The following SRGAP3 variants were observed in gnomAD, a reference collection of about 807,000 sequenced individuals.
SRGAP3 encodes the protein SLIT-ROBO Rho GTPase activating protein 3.
A neutral mutation model predicts 121.1 loss-of-function variants in SRGAP3; 39 were observed. The ratio of observed to expected loss-of-function variants is 0.32; its 90% CI spans 0.25 to 0.42. The LOEUF is 0.42. Ranked by LOEUF, SRGAP3 falls within the 10% of genes least tolerant of loss-of-function variation. SRGAP3 has a pLI of 1.00. For synonymous variants in SRGAP3, 601 were observed against 570.0 expected, an observed-to-expected ratio of 1.05 and a Z score of -0.77; for missense variants, 1,213 against 1,470.6, an observed-to-expected ratio of 0.82 and a Z score of 2.86.
chr3:9,088,303 G>A (rs933087476), intron 3 of SRGAP3, among the ~76,000 whole-genome samples: 2 of 152,184 alleles, frequency 1.3e-5, no homozygotes, highest in Admixed American at 6.5e-5. Context: ...CTCAGCCATG[G>A]CAGCTATGGC....
chr3:9,042,358 C>T (rs1465712245), intron 10 of SRGAP3, among the ~76,000 whole-genome samples: 1 of 151,082 alleles, frequency 6.6e-6, no homozygotes, highest in Non-Finnish European at 1.5e-5. Flanking sequence ...TACTGGACAG[C>T]ACAGCTCTCA....
intron 3 of SRGAP3, among the ~76,000 whole-genome samples, chr3:9,303,509 T>C (rs904667489): frequency 1.3e-5 from 2 of 152,068 alleles, no homozygotes; most frequent in African/African-American, 2.4e-5. Context: ...ATTAACTATA[T>C]ACTACACCTA....
intron 1 of SRGAP3, among the ~76,000 whole-genome samples, chr3:9,155,760 T>A (rs143632677): frequency 6.6e-6 from 1 of 152,210 alleles, no homozygotes; most frequent in South Asian, 2.1e-4. Flanking sequence ...CCGGTGTTCT[T>A]GTTTGGTTTC....
At chr3:9,300,189 T>C (rs74848879) in intron 3 of SRGAP3, among the ~76,000 whole-genome samples, 2 of 130 alleles carry the variant, frequency 0.015, no homozygotes, top group African/African-American at 0.023. Flanking sequence ...ACCACCATCA[T>C]CACCACCACC....
rs1240393331 is a variant in SRGAP3, at chr3:9,070,184, A to G, written c.487-5603T>C. 2.0e-5 allele frequency among the ~76,000 whole-genome samples: 3 copies of G among 152,228 alleles called. No individual in the cohort carries two copies. The East Asian group carries it at 5.8e-4, about 29-fold the overall frequency. ...TCTTTCAGCCCCTCATTTAAATGCA[A>G]AAGAAGGCAAACAGAATCTGGAAGT... On this transcript the variant is annotated intron_variant, in intron 4 of 21. Coordinates refer to ENST00000383836, the MANE Select transcript of SRGAP3 (RefSeq NM_014850.4).
At chr3:9,046,577 T>C (rs918717894) in intron 10 of SRGAP3, among the ~76,000 whole-genome samples, 2 of 152,238 alleles carry the variant, frequency 1.3e-5, no homozygotes, top group African/African-American at 4.8e-5. Context: ...TTGAGTGGCT[T>C]TAAGCCTAGT....
intron 1 of SRGAP3, among the ~76,000 whole-genome samples, chr3:9,358,699 G>A (rs1052552593): frequency 9.9e-5 from 15 of 152,206 alleles, no homozygotes; most frequent in African/African-American, 3.6e-4. Flanking sequence ...TGACCAACAG[G>A]CTTTAAGTTG....
chr3:8,992,856 C>T (rs1942140295), intron 20 of SRGAP3, 50 bp downstream of exon 20: 2 of 1,613,902 alleles, frequency 1.2e-6, no homozygotes, highest in Admixed American at 1.7e-5. Context: ...CCAAATCAGA[C>T]ATGAACAGGA....
intron 11 of SRGAP3, chr3:9,036,624 G>C (rs561683961): frequency 2.0e-5 from 3 of 152,250 alleles, no homozygotes; most frequent in Non-Finnish European, 4.4e-5. Flanking sequence ...CCTGAGGGAA[G>C]ACCCTGAGAC....
chr3:9,027,077 T>C, intron 12 of SRGAP3, 82 bp from the exon 13 acceptor site: 1 of 1,275,572 alleles, frequency 7.8e-7, no homozygotes, highest in Non-Finnish European at 1.1e-6. Flanking sequence ...GATTACAGAC[T>C]CAAGCCAGAA....
At chr3:9,006,926 G>A (rs1251289042) in intron 18 of SRGAP3, 2 of 151,046 alleles carry the variant, frequency 1.3e-5, no homozygotes, top group Non-Finnish European at 2.9e-5. Context: ...CTCAAGACAG[G>A]AGACTAGGCA....
chr3:8,994,652 G>T (rs1942279670), intron 18 of SRGAP3, 129 bp from the exon 19 acceptor site: 4 of 1,224,538 alleles, frequency 3.3e-6, no homozygotes, highest in Non-Finnish European at 4.7e-6. Flanking sequence ...TGGACAGAAC[G>T]CCTGGTGGGC....
intron 3 of SRGAP3, among the ~76,000 whole-genome samples, chr3:9,090,765 T>C (rs907535658): frequency 2.6e-5 from 4 of 152,168 alleles, no homozygotes; most frequent in African/African-American, 9.7e-5. Context: ...GCCTCCCAAG[T>C]AGCTGGGATT....
At chr3:9,359,228 A>G (rs2030671278) in intron 1 of SRGAP3, among the ~76,000 whole-genome samples, 1 of 152,226 alleles carries the variant, frequency 6.6e-6, no homozygotes, top group Admixed American at 6.5e-5. Context: ...GTTCAGGTAC[A>G]TTCTTGGTCT....
At chr3:9,359,492 A>C (rs2125298325) in intron 1 of SRGAP3, among the ~76,000 whole-genome samples, 1 of 152,338 alleles carries the variant, frequency 6.6e-6, no homozygotes, top group African/African-American at 2.4e-5. Flanking sequence ...TGAGGCATGG[A>C]CAACCATATC....
intron 1 of SRGAP3, among the ~76,000 whole-genome samples, chr3:9,147,426 C>T (rs1950063574): frequency 6.6e-6 from 1 of 152,096 alleles, no homozygotes; most frequent in South Asian, 2.1e-4. Context: ...AAACCTACAG[C>T]AGCCTAGGAC....
chr3:9,020,765 C>T (rs944437483), intron 14 of SRGAP3, among the ~76,000 whole-genome samples: 3 of 152,188 alleles, frequency 2.0e-5, no homozygotes, highest in Admixed American at 6.5e-5. Context: ...GAGCTGGAGA[C>T]GAGCTGGATG....
intron 3 of SRGAP3, among the ~76,000 whole-genome samples, chr3:9,080,532 CTT>C (rs1947190196): frequency 1.3e-5 from 2 of 152,228 alleles, no homozygotes; most frequent in Admixed American, 1.3e-4. Context: ...CCCAATTCCT[CTT>C]GAGAGTAAAT....
At chr3:9,136,913 C>T (rs1307133911) in intron 1 of SRGAP3, among the ~76,000 whole-genome samples, 1 of 152,180 alleles carries the variant, frequency 6.6e-6, no homozygotes, top group Middle Eastern at 3.2e-3. Flanking sequence ...CTGACCTTGA[C>T]GCTGGCTAGC....
Sources: allele counts gnomAD v4.1 joint callset (sites outside exome capture counted in the v4.1 genomes callset), GRCh38; gene constraint gnomAD v4.1.1; transcripts MANE v1.5; gene names NCBI Gene and HGNC (gene_info 2026-07-23, HGNC 2026-07-21).